The following ZBTB20 variants were observed in gnomAD, a reference collection of about 807,000 sequenced individuals.
ZBTB20 encodes the protein zinc finger and BTB domain containing 20.
In ZBTB20, 9 loss-of-function variants were observed where a neutral mutation model predicts 56.9. That is an observed-to-expected ratio of 0.16 (90% CI 0.10 to 0.28). ZBTB20 has a LOEUF of 0.28. Among genes scored for constraint, ZBTB20 ranks in the 10% least tolerant of loss-of-function variants. ZBTB20 has a pLI of 1.00. For synonymous variants in ZBTB20, 417 were observed against 420.7 expected (o/e 0.99, Z 0.11); for missense variants, 655 against 1,003.0 (o/e 0.65, Z 4.69).
At chr3:115,070,428 T>C (rs962380666) in intron 2 of ZBTB20, among the ~76,000 whole-genome samples, 36 of 152,274 alleles carry the variant, frequency 2.4e-4, no homozygotes, top group Admixed American at 1.3e-3. Flanking sequence ...TAGATAAGCA[T>C]GGCAGCAGGT....
At chr3:114,719,762 G>A (rs1282248998) in intron 5 of ZBTB20, among the ~76,000 whole-genome samples, 1 of 152,118 alleles carries the variant, frequency 6.6e-6, no homozygotes, top group Non-Finnish European at 1.5e-5. Context: ...CACATGGCCA[G>A]AGAATTCGCA....
chr3:115,113,369 T>G (rs76869289), intron 1 of ZBTB20, among the ~76,000 whole-genome samples: 2,433 of 152,350 alleles, frequency 0.016, 28 homozygotes, highest in Non-Finnish European at 0.027. Context: ...ACTCTTTCTA[T>G]GGTAGAAGTT....
intron 7 of ZBTB20, among the ~76,000 whole-genome samples, chr3:114,411,967 C>T (rs186666623): frequency 5.0e-4 from 76 of 152,184 alleles, no homozygotes; most frequent in African/African-American, 1.7e-3. Flanking sequence ...TATTAGTATT[C>T]GGGGTATTAA....
chr3:114,615,991 A>G (rs555895020), intron 6 of ZBTB20, among the ~76,000 whole-genome samples: 5 of 152,312 alleles, frequency 3.3e-5, no homozygotes, highest in Admixed American at 6.5e-5. Flanking sequence ...TGCTCTGTAT[A>G]TGGAGTTTCA....
chr3:114,488,851 A>G (rs1201988467), intron 7 of ZBTB20, among the ~76,000 whole-genome samples: 1 of 152,224 alleles, frequency 6.6e-6, no homozygotes, highest in Non-Finnish European at 1.5e-5. Context: ...TCAATAAATT[A>G]TGCATATACT....
At chr3:114,526,401 T>C (rs1254394207) in intron 6 of ZBTB20, among the ~76,000 whole-genome samples, 1 of 152,198 alleles carries the variant, frequency 6.6e-6, no homozygotes, top group Non-Finnish European at 1.5e-5. Context: ...TTTCATTCTG[T>C]CCTGCATTTT....
rs927648009 is a variant in ZBTB20 at position 114,487,974 on chromosome 3, T to C, written c.-255+12378A>G. On this transcript the variant is annotated intron_variant, in intron 7 of 11. Transcript: ENST00000675478. ...CATGGATCAGGCAATGTTGCCAGTG[T>C]GTATTTTTCCCTTCCCAATAATTTA... Among the ~76,000 whole-genome samples, 14 of 152,302 alleles carry C rather than the reference T, an allele frequency of 9.2e-5. No individual in the cohort carries two copies. The East Asian group carries it at 2.7e-3, about 29-fold the overall frequency.
At chr3:114,869,125 C>T (rs185956058) in intron 4 of ZBTB20, among the ~76,000 whole-genome samples, 1 of 152,114 alleles carries the variant, frequency 6.6e-6, no homozygotes, top group East Asian at 1.9e-4. Flanking sequence ...ACTGAAGCTA[C>T]ATAAATGTCA....
chr3:114,340,496 C>T (rs1012705404), intron 11 of ZBTB20, among the ~76,000 whole-genome samples: 3 of 152,172 alleles, frequency 2.0e-5, no homozygotes, highest in Non-Finnish European at 4.4e-5. Flanking sequence ...TTTGGTTTGG[C>T]TTAGAAACCA....
chr3:114,541,032 C>G (rs1250222128), intron 6 of ZBTB20, among the ~76,000 whole-genome samples: 3 of 151,990 alleles, frequency 2.0e-5, no homozygotes, highest in African/African-American at 7.2e-5. Context: ...GATCAGATTA[C>G]CTAGGCTTCC....
intron 4 of ZBTB20, among the ~76,000 whole-genome samples, chr3:114,883,278 T>G (rs770143524): frequency 2.6e-5 from 4 of 152,168 alleles, no homozygotes; most frequent in Admixed American, 1.3e-4. Context: ...GTACTGAAAA[T>G]TTTGGCTCAT....
chr3:114,954,278 C>A (rs2077172599), intron 3 of ZBTB20, among the ~76,000 whole-genome samples: 1 of 151,914 alleles, frequency 6.6e-6, no homozygotes, highest in Non-Finnish European at 1.5e-5. Context: ...GGAAAATAAT[C>A]AAAAATCAGA....
chr3:114,476,929 G>A (rs1167267235), intron 7 of ZBTB20, among the ~76,000 whole-genome samples: 1 of 152,206 alleles, frequency 6.6e-6, no homozygotes, highest in Admixed American at 6.5e-5. Flanking sequence ...CCTTGGGCAA[G>A]CTGCTGATGC....
chr3:114,929,894 C>T (rs747997726), intron 3 of ZBTB20, among the ~76,000 whole-genome samples: 1 of 152,128 alleles, frequency 6.6e-6, no homozygotes, highest in Non-Finnish European at 1.5e-5. Context: ...GTTTAATTTA[C>T]GATTCACAAA....
intron 7 of ZBTB20, among the ~76,000 whole-genome samples, chr3:114,423,367 T>TAAAAGTTAACAAAGAAGTTAAC (rs1395965644): frequency 6.6e-6 from 1 of 152,162 alleles, no homozygotes; most frequent in Admixed American, 6.5e-5. Flanking sequence ...AAAATGCTTA[T>TAAAAGTTAACAAAGAAGTTAAC]AAAAGTTAAC....
At chr3:114,633,970 C>T (rs1198614897) in intron 6 of ZBTB20, among the ~76,000 whole-genome samples, 2 of 152,146 alleles carry the variant, frequency 1.3e-5, no homozygotes, top group Non-Finnish European at 2.9e-5. Context: ...AAATTATAAG[C>T]TATTTGCATG....
intron 4 of ZBTB20, among the ~76,000 whole-genome samples, chr3:114,821,330 G>T (rs760659978): frequency 1.3e-5 from 2 of 152,068 alleles, no homozygotes; most frequent in Non-Finnish European, 2.9e-5. Flanking sequence ...CACCATATCA[G>T]GAACCTTATG....
Position 114,534,471 on chromosome 3 carries a change from G to A in ZBTB20, c.-294-34080C>T, listed in dbSNP as rs1348128776. On this transcript the variant is annotated intron_variant, in intron 6 of 11. Transcript: ENST00000675478. The stretch of plus-strand genomic sequence containing the variant: ...AAATATACATGCACCTAATACAGGA[G>A]CACCCAGATTCATAAAGCGAGTTCT... 5.9e-5 allele frequency among the ~76,000 whole-genome samples: 9 copies of A among 152,118 alleles called. No homozygotes were observed. The East Asian group carries it at 1.7e-3, about 29-fold the overall frequency.
rs548797900 is a variant in ZBTB20, at chr3:114,532,337, T to C, written c.-294-31946A>G. On this transcript the variant is annotated intron_variant, in intron 6 of 11. Coordinates refer to ENST00000675478, the MANE Select transcript of ZBTB20 (RefSeq NM_001348800.3). ...CCACCATTACTGAGGCTTAAGTAGG[T>C]GGTTTTCCCCTCACAGTGAAAACAA... 1.1e-4 allele frequency among the ~76,000 whole-genome samples: 16 copies of C among 152,236 alleles called. No individual in the cohort carries two copies. The South Asian group carries it at 2.5e-3, about 24-fold the overall frequency.
Sources: gnomAD v4.1 joint callset for allele counts (sites outside exome capture counted in the v4.1 genomes callset) on GRCh38, gnomAD v4.1.1 for gene constraint, MANE v1.5 for transcripts, NCBI Gene and HGNC (gene_info 2026-07-23, HGNC 2026-07-21) for gene names.